Variants in CHMP4B observed in about 807,000 individuals in gnomAD.
CHMP4B encodes the protein SNF7 homolog associated with Alix 1.
A neutral mutation model predicts 25.1 loss-of-function variants in CHMP4B; 1 was observed. The observed-to-expected ratio is 0.04, with a 90% CI of 0.01 to 0.19. CHMP4B has a LOEUF of 0.19. Among genes scored for constraint, CHMP4B ranks in the 10% least tolerant of loss-of-function variants. The pLI is 1.00. For missense variants in CHMP4B, 151 were observed against 289.7 expected, an observed-to-expected ratio of 0.52 and a Z score of 3.48; for synonymous variants, 101 against 115.6, an observed-to-expected ratio of 0.87 and a Z score of 0.81.
intron 1 of CHMP4B, among the ~76,000 whole-genome samples, chr20:33,830,933 G>GTTTGTTTTTTTTTT (rs1979223178): frequency 2.0e-5 from 2 of 102,524 alleles, no homozygotes; most frequent in Admixed American, 2.3e-4. Flanking sequence ...AAGGAACAGA[G>GTTTGTTTTTTTTTT]TTTTTTTTTT....
chr20:33,813,970 A>T (rs1395560566), intron 1 of CHMP4B, among the ~76,000 whole-genome samples: 1 of 152,186 alleles, frequency 6.6e-6, no homozygotes, highest in Non-Finnish European at 1.5e-5. Context: ...TGACCTCATG[A>T]TCTGCCTGCC....
At chr20:33,830,122 G>C (rs925259811) in intron 1 of CHMP4B, among the ~76,000 whole-genome samples, 3 of 152,236 alleles carry the variant, frequency 2.0e-5, no homozygotes, top group African/African-American at 7.2e-5. Context: ...GGAGTGCTCA[G>C]CAGGATGTGG....
Position 33,848,517 on chromosome 20 carries a change from C to T in CHMP4B, c.241C>T (p.Gln81Ter). Residue 81 changes from glutamine (Q) to a stop codon, truncating the protein, a stop_gained, in exon 2 of 5, where the codon CAG becomes TAG. Coordinates refer to ENST00000217402, the MANE Select transcript of CHMP4B (RefSeq NM_176812.5). LOFTEE classifies it high-confidence loss of function. ...GAAGAGGTATGAGAAGCAGCTGGCGCAGATCGACGGCACATTATCAACCAT... is the reference window on the plus strand; with the variant it reads ...GAAGAGGTATGAGAAGCAGCTGGCGTAGATCGACGGCACATTATCAACCAT... Reference protein sequence around the residue: ...RKKRYEKQLAQIDGTLSTIEF... With the variant: ...RKKRYEKQLA The T allele has an allele frequency of 6.2e-7, 1 of 1,614,218 alleles. No individual in the cohort carries two copies. The highest frequency in any genetic ancestry group is 8.5e-7 in the Non-Finnish European group (1 of 1,180,046).
intron 2 of CHMP4B, 64 bp from the exon 3 acceptor site, chr20:33,850,888 G>T: frequency 1.7e-6 from 2 of 1,190,706 alleles, no homozygotes. Context: ...CTCCCGCCTT[G>T]CCTTGCAGGC....
intron 1 of CHMP4B, among the ~76,000 whole-genome samples, chr20:33,844,295 C>T (rs1325409594): frequency 6.6e-6 from 1 of 152,154 alleles, no homozygotes; most frequent in African/African-American, 2.4e-5. Flanking sequence ...GTGGATCCCC[C>T]ATGAAGAACC....
chr20:33,843,770 C>CT (rs1487738954), intron 1 of CHMP4B, among the ~76,000 whole-genome samples: 1 of 152,156 alleles, frequency 6.6e-6, no homozygotes, highest in Non-Finnish European at 1.5e-5. Flanking sequence ...ACCTCACCAC[C>CT]GGAGCCATGC....
intron 1 of CHMP4B, among the ~76,000 whole-genome samples, chr20:33,813,719 T>C (rs893337236): frequency 3.3e-5 from 5 of 152,038 alleles, no homozygotes; most frequent in Non-Finnish European, 5.9e-5. Flanking sequence ...TGGAGTTTGT[T>C]TTTTTGTTTG....
chr20:33,822,620 A>G (rs1306508142), intron 1 of CHMP4B, among the ~76,000 whole-genome samples: 5 of 152,160 alleles, frequency 3.3e-5, no homozygotes, highest in Non-Finnish European at 5.9e-5. Context: ...GGCCTTGTCT[A>G]AGGAGGGAAC....
intron 4 of CHMP4B, 126 bp from the exon 5 acceptor site, chr20:33,853,370 G>A: frequency 1.2e-6 from 1 of 835,642 alleles, no homozygotes; most frequent in Non-Finnish European, 2.0e-6. Flanking sequence ...CTACAGCCTG[G>A]AGAGGAGTCT....
At chr20:33,852,348 C>A in intron 4 of CHMP4B, 145 bp downstream of exon 4, 1 of 997,626 alleles carries the variant, frequency 1.0e-6, no homozygotes, top group Non-Finnish European at 1.6e-6. Flanking sequence ...AGATTGAGAA[C>A]CAGACAGGAT....
At chr20:33,851,633 T>C (rs1979852771) in intron 3 of CHMP4B, among the ~76,000 whole-genome samples, 1 of 152,208 alleles carries the variant, frequency 6.6e-6, no homozygotes, top group South Asian at 2.1e-4. Context: ...ACCTTTGTGC[T>C]TTCTGACCCC....
At chr20:33,845,272 G>A (rs761992853) in intron 1 of CHMP4B, among the ~76,000 whole-genome samples, 24 of 152,146 alleles carry the variant, frequency 1.6e-4, no homozygotes, top group Non-Finnish European at 2.2e-4. Flanking sequence ...AGGGACTGCC[G>A]TTGCTTGTTC....
intron 1 of CHMP4B, among the ~76,000 whole-genome samples, chr20:33,833,213 A>G (rs2069338378): frequency 2.6e-5 from 4 of 152,162 alleles, no homozygotes; most frequent in Admixed American, 2.6e-4. Context: ...CCCCACAGAA[A>G]GATCTGGGAG....
At chr20:33,846,153 A>T (rs1029044824) in intron 1 of CHMP4B, among the ~76,000 whole-genome samples, 1 of 152,190 alleles carries the variant, frequency 6.6e-6, no homozygotes, top group Admixed American at 6.5e-5. Context: ...GGGGCATAAC[A>T]TAATGGCAGG....
chr20:33,841,291 T>G (rs898095504), intron 1 of CHMP4B, among the ~76,000 whole-genome samples: 3 of 152,132 alleles, frequency 2.0e-5, no homozygotes, highest in African/African-American at 7.2e-5. Flanking sequence ...CTAAATGGAG[T>G]GCATTAGCTC....
At chr20:33,821,223 C>T (rs1978930399) in intron 1 of CHMP4B, among the ~76,000 whole-genome samples, 1 of 151,752 alleles carries the variant, frequency 6.6e-6, no homozygotes, top group African/African-American at 2.4e-5. Context: ...CCCATCTCTA[C>T]TAAAAATACA....
intron 1 of CHMP4B, among the ~76,000 whole-genome samples, chr20:33,833,142 T>C (rs1021226699): frequency 1.8e-4 from 28 of 152,114 alleles, no homozygotes; most frequent in African/African-American, 6.3e-4. Flanking sequence ...ATCTTCCTCA[T>C]ATGGATTTAG....
At chr20:33,828,700 G>A (rs961068916) in intron 1 of CHMP4B, among the ~76,000 whole-genome samples, 1 of 151,898 alleles carries the variant, frequency 6.6e-6, no homozygotes, top group African/African-American at 2.4e-5. Context: ...GGGTTAGGAA[G>A]TCTATAAAGA....
intron 1 of CHMP4B, among the ~76,000 whole-genome samples, chr20:33,829,298 G>A (rs563646123): frequency 2.0e-5 from 3 of 152,308 alleles, no homozygotes; most frequent in Non-Finnish European, 4.4e-5. Flanking sequence ...CCCCTTCTCA[G>A]CCAGTTCTTT....
Sources: allele counts gnomAD v4.1 joint callset (sites outside exome capture counted in the v4.1 genomes callset), GRCh38; gene constraint gnomAD v4.1.1; transcripts MANE v1.5; gene names NCBI Gene and HGNC (gene_info 2026-07-23, HGNC 2026-07-21).